Variants in DNAH5 observed in about 807,000 individuals in gnomAD.
The protein encoded by DNAH5 is axonemal beta dynein heavy chain 5.
DNAH5 carries 372 observed loss-of-function variants against 518.2 expected under a neutral mutation model. The ratio of observed to expected loss-of-function variants is 0.72; its 90% CI spans 0.66 to 0.78. The LOEUF (loss-of-function observed/expected upper bound fraction) is 0.78, where lower values mean the gene tolerates loss of function less well. Ranked by LOEUF, DNAH5 falls within the 30% of genes least tolerant of loss-of-function variation. DNAH5 has a pLI of 0.00. For missense variants in DNAH5, 5,523 were observed against 5,687.0 expected (o/e 0.97, Z 0.93); for synonymous variants, 2,039 against 2,025.9 (o/e 1.01, Z -0.17).
chr5:13,875,297 G>C (rs1257230895), intron 22 of DNAH5, among the ~76,000 whole-genome samples: 3 of 151,954 alleles, frequency 2.0e-5, no homozygotes, highest in Non-Finnish European at 4.4e-5. Context: ...GTAAAACCCT[G>C]TCTCTACTAA....
In DNAH5 at chr5:13,719,658, A is replaced by ACT. The variant is rs1350111121; in HGVS notation, c.12280-558_12280-557insAG. On this transcript the variant is annotated intron_variant, in intron 71 of 78. Transcript: ENST00000265104. ...AGAAGTTGATTTTCTACAGAAGGCA[A>ACT]AACAGGGTCTAGATTGGAGGATACC... is the stretch of plus-strand genomic sequence containing the variant. Among the ~76,000 whole-genome samples, 14 of 152,324 alleles carry ACT rather than the reference A, an allele frequency of 9.2e-5. 1 individual carries two copies. In the East Asian group the frequency reaches 1.3e-3, roughly 15 times the overall value.
At position 13,770,849 on chromosome 5, in the gene DNAH5, G is replaced by T. The variant is rs768495886; in HGVS notation, c.9505C>A (p.Arg3169Ser). The change falls in exon 56 of 79, where the codon CGT (arginine) becomes AGT (serine). Residue 3169 changes from arginine (R) to serine (S), a missense_variant. Transcript: ENST00000265104. ...KCVDYFQRFRRSTHVTPKSYL... is the reference protein window; with the variant it reads ...KCVDYFQRFRSSTHVTPKSYL... ...GATTTGGGCGTCACGTGGGTAGAACGTCGGAATCTCTGAAAATAATCAACA... is the reference window on the plus strand; with the variant it reads ...GATTTGGGCGTCACGTGGGTAGAACTTCGGAATCTCTGAAAATAATCAACA... 2 of 1,613,998 alleles carry T rather than the reference G, an allele frequency of 1.2e-6. No individual in the cohort carries two copies. The highest frequency in any genetic ancestry group is 4.5e-5 in the East Asian group (2 of 44,864).
At chr5:13,948,122 C>T (rs372966197), upstream of DNAH5, among the ~76,000 whole-genome samples, 3 of 152,152 alleles carry the variant, frequency 2.0e-5, no homozygotes, top group East Asian at 3.8e-4. Flanking sequence ...ATGTGTGTCC[C>T]GGTTGTTTTC....
At chr5:13,705,669 A>T (rs1408114459) in intron 76 of DNAH5, among the ~76,000 whole-genome samples, 1 of 152,170 alleles carries the variant, frequency 6.6e-6, no homozygotes, top group Non-Finnish European at 1.5e-5. Flanking sequence ...ACGTGATCTT[A>T]TGCGGGAACA....
chr5:13,790,850 T>C (rs1487940169), intron 50 of DNAH5, among the ~76,000 whole-genome samples: 2 of 152,138 alleles, frequency 1.3e-5, no homozygotes, highest in African/African-American at 4.8e-5. Context: ...TTCTCACTTA[T>C]AAGTGGGAGC....
chr5:13,755,769 A>G (rs531652714), intron 61 of DNAH5, among the ~76,000 whole-genome samples: 76 of 149,876 alleles, frequency 5.1e-4, no homozygotes, highest in African/African-American at 1.6e-3. Context: ...TGTTTATTAG[A>G]AAAAAAAAAC....
chr5:13,810,317 C>T, intron 44 of DNAH5, 57 bp from the exon 45 acceptor site: 1 of 1,471,590 alleles, frequency 6.8e-7, no homozygotes, highest in Non-Finnish European at 9.3e-7. Flanking sequence ...AAACGTTGCT[C>T]TAGGGTTTCA....
At chr5:13,805,916 G>C (rs1184310642) in intron 47 of DNAH5, among the ~76,000 whole-genome samples, 1 of 151,996 alleles carries the variant, frequency 6.6e-6, no homozygotes, top group Non-Finnish European at 1.5e-5. Flanking sequence ...AGTCTTGTGG[G>C]GACTCGGCCC....
intron 47 of DNAH5, among the ~76,000 whole-genome samples, chr5:13,794,492 C>T (rs917542568): frequency 2.0e-5 from 3 of 152,204 alleles, no homozygotes; most frequent in Admixed American, 2.0e-4. Context: ...GGTCTGAAGG[C>T]TGAAACTGAC....
At chr5:13,806,924 G>A (rs1021550835) in intron 47 of DNAH5, among the ~76,000 whole-genome samples, 1 of 152,142 alleles carries the variant, frequency 6.6e-6, no homozygotes, top group Non-Finnish European at 1.5e-5. Flanking sequence ...TTGAGCATGG[G>A]AGCTAGGGTG....
At chr5:13,973,306 T>C (rs1268575274) in intron 1 of DNAH5, among the ~76,000 whole-genome samples, 1 of 152,234 alleles carries the variant, frequency 6.6e-6, no homozygotes, top group East Asian at 1.9e-4. Flanking sequence ...TTTAGCCCGG[T>C]AAAACTGACT....
chr5:13,873,443 T>C (rs1303824379), intron 22 of DNAH5, among the ~76,000 whole-genome samples: 1 of 152,120 alleles, frequency 6.6e-6, no homozygotes, highest in East Asian at 1.9e-4. Context: ...ATCCCTATTA[T>C]TTAATATTAA....
rs146068141 is a variant in DNAH5, at chr5:13,887,842, G to A, written c.2578-1713C>T. Among the ~76,000 whole-genome samples the A allele has an allele frequency of 3.7e-3, 569 of 152,162 alleles. 6 individuals are homozygous for A. The highest frequency in any genetic ancestry group is 0.013 in the African/African-American group (541 of 41,494). On this transcript the variant is annotated intron_variant, in intron 17 of 78. Transcript: ENST00000265104. ...CTACCCTCTCCACCGGCACACATAG[G>A]TCATGGTGAGGCAGATGCTTGGCAC...
chr5:13,768,089 G>T (rs1459835357), intron 58 of DNAH5, among the ~76,000 whole-genome samples: 1 of 152,148 alleles, frequency 6.6e-6, no homozygotes, highest in South Asian at 2.1e-4. Flanking sequence ...AACCTCTTTT[G>T]TAATTTTGCC....
intron 70 of DNAH5, among the ~76,000 whole-genome samples, chr5:13,724,884 G>A (rs1745517342): frequency 6.6e-6 from 1 of 152,230 alleles, no homozygotes; most frequent in South Asian, 2.1e-4. Context: ...CCAGCCCCAT[G>A]CTTCCTGTAC....
rs1296691237 is a variant in DNAH5, at chr5:13,917,166, C to T, written c.1066G>A (p.Asp356Asn). 3 of 1,613,626 alleles carry T rather than the reference C, an allele frequency of 1.9e-6. No homozygotes were observed. The highest frequency in any genetic ancestry group is 2.2e-5 in the South Asian group (2 of 91,076). Residue 356 changes from aspartate (D) to asparagine (N), a missense_variant, in exon 8 of 79, where the codon GAC becomes AAC. Coordinates refer to ENST00000265104, the MANE Select transcript of DNAH5 (RefSeq NM_001369.3). ...KYLYTLEKCC[D>N]PLYSSDPLSM... Reference sequence around the variant, plus strand: ...ACGGGATCACTGCTGTACAAAGGGTCACAACATTTTTCAAGTGTATACAAG... The same window carrying T: ...ACGGGATCACTGCTGTACAAAGGGTTACAACATTTTTCAAGTGTATACAAG...
chr5:13,894,254 A>G (rs1773632556), intron 16 of DNAH5, among the ~76,000 whole-genome samples: 1 of 152,204 alleles, frequency 6.6e-6, no homozygotes, highest in Non-Finnish European at 1.5e-5. Context: ...TTTTTAAGGA[A>G]AATTGTGTTT....
chr5:13,965,059 C>T (rs528704050), intron 1 of DNAH5, among the ~76,000 whole-genome samples: 1 of 152,260 alleles, frequency 6.6e-6, no homozygotes, highest in African/African-American at 2.4e-5. Context: ...CTTCAAGGTG[C>T]TTTCCCTAAT....
At chr5:13,710,351 A>T (rs1042333528) in intron 75 of DNAH5, among the ~76,000 whole-genome samples, 2 of 152,132 alleles carry the variant, frequency 1.3e-5, no homozygotes, top group African/African-American at 4.8e-5. Context: ...GACAGAGCCT[A>T]CTCAAATGAG....
Sources: allele counts gnomAD v4.1 joint callset (sites outside exome capture counted in the v4.1 genomes callset), GRCh38; gene constraint gnomAD v4.1.1; transcripts MANE v1.5; gene names NCBI Gene and HGNC (gene_info 2026-07-23, HGNC 2026-07-21).